The following CNTLN variants were observed in gnomAD, a reference collection of about 807,000 sequenced individuals.
CNTLN encodes centlein, also known as centlein, centrosomal protein.
CNTLN carries 212 observed loss-of-function variants against 180.0 expected under a neutral mutation model. That is an observed-to-expected ratio of 1.18 (90% CI 1.05 to 1.32). CNTLN has a LOEUF of 1.32. Among genes scored for constraint, CNTLN ranks in the 40% most tolerant of loss-of-function variants. CNTLN has a pLI of 0.00. For missense variants in CNTLN, 2,095 were observed against 1,610.9 expected (o/e 1.30, Z -5.14); for synonymous variants, 722 against 563.1 (o/e 1.28, Z -3.99).
chr9:17,267,045 G>T (rs977768664), intron 5 of CNTLN, among the ~76,000 whole-genome samples: 13 of 152,160 alleles, frequency 8.5e-5, no homozygotes, highest in Non-Finnish European at 1.6e-4. Flanking sequence ...TACATTTAAA[G>T]TTAATGTTGT....
At chr9:17,420,742 G>A (rs1043755398) in intron 18 of CNTLN, among the ~76,000 whole-genome samples, 1 of 151,686 alleles carries the variant, frequency 6.6e-6, no homozygotes, top group Non-Finnish European at 1.5e-5. Context: ...CATAGGTCTT[G>A]GTATGTTGTG....
chr9:17,464,383 A>G (rs1456063876), intron 20 of CNTLN, 114 bp from the exon 21 acceptor site: 4 of 826,088 alleles, frequency 4.8e-6, no homozygotes, highest in Non-Finnish European at 7.6e-6. Context: ...TACAGTGTCA[A>G]TATCACGTAG....
intron 6 of CNTLN, among the ~76,000 whole-genome samples, chr9:17,290,239 C>T (rs1304665994): frequency 6.6e-6 from 1 of 152,034 alleles, no homozygotes; most frequent in Non-Finnish European, 1.5e-5. Flanking sequence ...ACAGGACCCT[C>T]AGCTGCAGGT....
At chr9:17,188,802 A>T (rs1053206146) in intron 2 of CNTLN, among the ~76,000 whole-genome samples, 1 of 152,018 alleles carries the variant, frequency 6.6e-6, no homozygotes, top group Non-Finnish European at 1.5e-5. Context: ...TAAATTATTG[A>T]GTATCTTTTA....
intron 2 of CNTLN, among the ~76,000 whole-genome samples, chr9:17,218,668 T>A (rs1243713657): frequency 6.6e-6 from 1 of 152,158 alleles, no homozygotes; most frequent in Non-Finnish European, 1.5e-5. Context: ...TCTACTCAAA[T>A]GAAAGAAAAC....
At chr9:17,483,409 T>C (rs1335250756) in intron 23 of CNTLN, among the ~76,000 whole-genome samples, 1 of 152,188 alleles carries the variant, frequency 6.6e-6, no homozygotes, top group Non-Finnish European at 1.5e-5. Context: ...AAGTAACAGC[T>C]GTCAAAATTA....
intron 5 of CNTLN, among the ~76,000 whole-genome samples, chr9:17,261,522 T>C (rs902663875): frequency 1.3e-5 from 2 of 151,588 alleles, no homozygotes; most frequent in Non-Finnish European, 2.9e-5. Flanking sequence ...GCATTGATTT[T>C]TGTATCCTGA....
At chr9:17,338,049 AGTTT>A (rs1821168375) in intron 10 of CNTLN, among the ~76,000 whole-genome samples, 2 of 152,108 alleles carry the variant, frequency 1.3e-5, no homozygotes, top group South Asian at 4.1e-4. Flanking sequence ...TACACATTTT[AGTTT>A]AAGTTTCTTT....
intron 7 of CNTLN, chr9:17,300,510 C>T (rs184365042): frequency 1.3e-5 from 2 of 152,306 alleles, no homozygotes; most frequent in African/African-American, 4.8e-5. Flanking sequence ...GACTACTTCC[C>T]ACCACCCTTG....
intron 25 of CNTLN, among the ~76,000 whole-genome samples, chr9:17,493,200 T>G (rs943905584): frequency 6.6e-6 from 1 of 152,118 alleles, no homozygotes; most frequent in Non-Finnish European, 1.5e-5. Context: ...ACTGAGTAAG[T>G]GACTTAAAAA....
At chr9:17,307,773 G>A (rs1818821139) in intron 7 of CNTLN, among the ~76,000 whole-genome samples, 1 of 151,834 alleles carries the variant, frequency 6.6e-6, no homozygotes, top group South Asian at 2.1e-4. Context: ...CAAATCCTAG[G>A]TTTCTAGATG....
intron 5 of CNTLN, among the ~76,000 whole-genome samples, chr9:17,241,379 T>C (rs796926399): frequency 2.6e-5 from 4 of 152,320 alleles, no homozygotes; most frequent in African/African-American, 9.6e-5. Context: ...TGTATCACTA[T>C]ATTTCTGAGT....
chr9:17,485,936 A>G (rs1238178067), intron 24 of CNTLN, among the ~76,000 whole-genome samples: 1 of 152,174 alleles, frequency 6.6e-6, no homozygotes, highest in Non-Finnish European at 1.5e-5. Context: ...TAGATGGTGC[A>G]TGTCTGTGAA....
At chr9:17,298,542 A>G (rs1818117290) in intron 7 of CNTLN, 190 bp downstream of exon 7, 9 of 1,278,666 alleles carry the variant, frequency 7.0e-6, no homozygotes, top group East Asian at 6.3e-5. Context: ...CTTTATGGTA[A>G]TTAGAGCTGA....
At chr9:17,192,619 G>A (rs1821862136) in intron 2 of CNTLN, among the ~76,000 whole-genome samples, 1 of 152,148 alleles carries the variant, frequency 6.6e-6, no homozygotes, top group South Asian at 2.1e-4. Flanking sequence ...TAAACTCACA[G>A]AGCTAATGAA....
intron 5 of CNTLN, 38 bp downstream of exon 5, chr9:17,236,626 A>G: frequency 6.6e-7 from 1 of 1,521,516 alleles, no homozygotes; most frequent in South Asian, 1.3e-5. Flanking sequence ...CCTCTTTTGG[A>G]TCTAACTTTT....
At chr9:17,226,327 G>A (rs936516319) in intron 3 of CNTLN, 40 bp downstream of exon 3, 2 of 1,091,600 alleles carry the variant, frequency 1.8e-6, no homozygotes, top group Non-Finnish European at 2.6e-6. Flanking sequence ...AACTATATTT[G>A]TTTTGGGTAG....
chr9:17,155,368 G>GCA, intron 2 of CNTLN, among the ~76,000 whole-genome samples: 1 of 152,186 alleles, frequency 6.6e-6, no homozygotes, highest in Non-Finnish European at 1.5e-5. Context: ...TGTGCTGGGA[G>GCA]GTCCGCTGCT....
intron 18 of CNTLN, chr9:17,448,129 C>A: frequency 4.9e-6 from 1 of 205,132 alleles, no homozygotes. Context: ...TTCATTGTTT[C>A]CAACCATGGT....
Sources: allele counts gnomAD v4.1 joint callset (sites outside exome capture counted in the v4.1 genomes callset), GRCh38; gene constraint gnomAD v4.1.1; transcripts MANE v1.5; gene names NCBI Gene and HGNC (gene_info 2026-07-23, HGNC 2026-07-21).